UPF1: variants seen among roughly 807,000 people sequenced by gnomAD.
UPF1 encodes the protein UPF1 RNA helicase and ATPase.
Under a neutral mutation model 129.2 loss-of-function variants are expected in UPF1, and 9 were observed. That is an observed-to-expected ratio of 0.07 (90% confidence interval 0.04 to 0.12). The LOEUF (loss-of-function observed/expected upper bound fraction) is 0.12. Ranked by LOEUF, UPF1 falls within the 10% of genes least tolerant of loss-of-function variation. The probability of loss-of-function intolerance (pLI) is 1.00; values close to 1 mark genes in which losing one functional copy is unlikely to be tolerated. For missense variants in UPF1, 788 were observed against 1,525.3 expected, an observed-to-expected ratio of 0.52 and a Z score of 8.05; for synonymous variants, 649 against 644.9, an observed-to-expected ratio of 1.01 and a Z score of -0.10.
At chr19:18,852,563 A>C (rs1032733067) in intron 6 of UPF1, among the ~76,000 whole-genome samples, 1 of 152,142 alleles carries the variant, frequency 6.6e-6, no homozygotes, top group Admixed American at 6.5e-5. Context: ...CACAGTTGCG[A>C]GAGTTAGACT....
rs1345518320 is a variant in UPF1 at position 18,853,145 on chromosome 19, T to A, written c.1057+74T>A. The A allele has an allele frequency of 1.9e-6, 3 of 1,604,562 alleles. No homozygotes were observed. Among genetic ancestry groups the A allele is most frequent in the Non-Finnish European group, 2.6e-6 (3 of 1,172,906 alleles). On this transcript the variant is annotated intron_variant, in intron 7 of 23. Transcript: ENST00000262803. This position sits in a 1 kb window ranked among gnomAD's most constrained non-coding sequence, Gnocchi z 4.4. ...AAAATATTTGTGACCATAAGTAGCATAAATTCCTAGTTCCACCCTTGTAAA... is the reference window on the plus strand; with the variant it reads ...AAAATATTTGTGACCATAAGTAGCAAAAATTCCTAGTTCCACCCTTGTAAA...
In UPF1 at chr19:18,866,126, A is replaced by T; in HGVS notation, c.3320A>T (p.Tyr1107Phe). ...QDSTYQGERA[Y>F]QHGGVTGLSQ... ...TCCACGTACCAGGGAGAGCGGGCTT[A>T]CCAGCATGGCGGGGTGACGGGGCTG... is the stretch of plus-strand genomic sequence containing the variant. Residue 1107 changes from tyrosine to phenylalanine, a missense_variant, in exon 23 of 24, where the codon TAC becomes TTC. Coordinates refer to ENST00000262803, the MANE Select transcript of UPF1 (RefSeq NM_002911.4). The T allele has an allele frequency of 6.2e-7, 1 of 1,612,186 alleles. No individual in the cohort carries two copies. Among genetic ancestry groups the T allele is most frequent in the Non-Finnish European group, 8.5e-7 (1 of 1,179,412 alleles).
Position 18,865,941 on chromosome 19 carries a change from T to G in UPF1, c.3238-103T>G. 1 of 1,592,350 alleles carries G rather than the reference T, an allele frequency of 6.3e-7. No individual in the cohort carries two copies. The highest frequency in any genetic ancestry group is 8.5e-7 in the Non-Finnish European group (1 of 1,173,314). On this transcript the variant is annotated intron_variant, in intron 22 of 23. Transcript: ENST00000262803. The surrounding 1 kb of genome is among the most constrained non-coding windows in gnomAD (Gnocchi z 6.1). Reference sequence around the variant, plus strand: ...CAGAGTGGGTCTCCTGGGTCTTAGTTTGGGGACGGGTTTTCCATTCTTTTC... The same window carrying G: ...CAGAGTGGGTCTCCTGGGTCTTAGTGTGGGGACGGGTTTTCCATTCTTTTC...
Position 18,832,182 on chromosome 19 carries a change from C to T in UPF1, c.-28C>T. 1 of 1,515,036 alleles carries T rather than the reference C, an allele frequency of 6.6e-7. No homozygotes were observed. The highest frequency in any genetic ancestry group is 8.9e-7 in the Non-Finnish European group (1 of 1,128,594). 93.8% of individuals were successfully genotyped at this position (1,515,036 alleles called of 1,614,324 possible). ...GGCGGGCTCGAGTGCAGCGCGGAAC[C>T]GGCCCGAGGGCCCTACCCGGAGGCA... On this transcript the variant is annotated 5_prime_UTR_variant, in exon 1 of 24. Transcript: ENST00000262803. The surrounding 1 kb of genome is among the most constrained non-coding windows in gnomAD (Gnocchi z 5.6).
chr19:18,854,891 A>C lies in UPF1; in HGVS notation c.1278A>C (p.Ala426=), dbSNP rs200925901. ...ACCCTCCTCACAGGATGCAGAGCGC[A>C]TTGAAAACGTTTGCCGTGGATGAGA... ...KSTSFDRMQS[A]LKTFAVDETS... is the part of the protein sequence containing the mutation. The change falls in exon 10 of 24, where the codon GCA becomes GCC. Residue 426 remains alanine (A), a synonymous_variant. Coordinates refer to ENST00000262803, the MANE Select transcript of UPF1 (RefSeq NM_002911.4). 4 of 1,614,198 alleles carry C rather than the reference A, an allele frequency of 2.5e-6. No homozygotes were observed. The highest frequency in any genetic ancestry group is 2.5e-6 in the Non-Finnish European group (3 of 1,180,030).
chr19:18,857,882 C>T (rs533883436), intron 15 of UPF1, among the ~76,000 whole-genome samples: 3 of 152,346 alleles, frequency 2.0e-5, no homozygotes, highest in African/African-American at 7.2e-5. Context: ...AACAGCTGTT[C>T]TCAGGGCCTG....
intron 3 of UPF1, 52 bp downstream of exon 3, chr19:18,847,885 G>A (rs2055617471): frequency 1.3e-6 from 2 of 1,560,296 alleles, no homozygotes; most frequent in East Asian, 4.5e-5. Context: ...GCTCAGATTT[G>A]TGTGTAAATT....
rs940200834 is a variant in UPF1, at chr19:18,867,157, T to A, written c.*640T>A. On this transcript the variant is annotated 3_prime_UTR_variant, in exon 24 of 24. Transcript: ENST00000262803. ...AATCTTAGCGGTGGACCTGGGAGAT[T>A]TGAGAAGCTTCCAGAAACAGTTTAA... is the stretch of plus-strand genomic sequence containing the variant. The A allele has an allele frequency of 6.6e-6, 1 of 152,474 alleles. No homozygotes were observed. The highest frequency in any genetic ancestry group is 2.4e-5 in the African/African-American group (1 of 41,456). 9.4% of individuals were successfully genotyped at this position (152,474 alleles called of 1,614,324 possible). A position where few individuals can be genotyped will look rare whatever the true frequency, so the allele number is the denominator to read the frequency against.
Position 18,832,235 on chromosome 19 carries a change from G to A in UPF1, c.26G>A (p.Ser9Asn). Residue 9 changes from serine to asparagine, a missense_variant, in exon 1 of 24, where the codon AGC becomes AAC. Ser to Asn is a conservative substitution (Grantham distance 46). Coordinates refer to ENST00000262803, the MANE Select transcript of UPF1 (RefSeq NM_002911.4). The surrounding 1 kb of genome is among the most constrained non-coding windows in gnomAD (Gnocchi z 5.6). MSVEAYGP[S>N]SQTLTFLDTE... ...ATGAGCGTGGAGGCGTACGGGCCCA[G>A]CTCGCAGACTCTCACTTTCCTGGAC... 6.5e-7 allele frequency: 1 copy of A among 1,548,386 alleles called. No individual in the cohort carries two copies. Among genetic ancestry groups the A allele is most frequent in the Non-Finnish European group, 8.7e-7 (1 of 1,146,938 alleles).
chr19:18,834,575 G>C (rs1020666262), intron 1 of UPF1, among the ~76,000 whole-genome samples: 3 of 152,172 alleles, frequency 2.0e-5, no homozygotes, highest in Non-Finnish European at 4.4e-5. Flanking sequence ...GGTTTGTCCT[G>C]TGCTACTTGT....
intron 1 of UPF1, among the ~76,000 whole-genome samples, chr19:18,843,518 GTTTT>G (rs35934501): frequency 8.1e-6 from 1 of 124,052 alleles, no homozygotes; most frequent in Non-Finnish European, 1.6e-5. Context: ...GACTTTCTTT[GTTTT>G]TTTTTTTTTT....
At chr19:18,855,462 T>C (rs997234284) in intron 11 of UPF1, 21 of 615,856 alleles carry the variant, frequency 3.4e-5, no homozygotes, top group Non-Finnish European at 5.6e-5. Flanking sequence ...TTTAGAAAAC[T>C]GGGGGCAGGG....
intron 1 of UPF1, among the ~76,000 whole-genome samples, chr19:18,842,842 A>G (rs1699996528): frequency 6.6e-6 from 1 of 152,012 alleles, no homozygotes; most frequent in Non-Finnish European, 1.5e-5. Flanking sequence ...TCTACTAAAA[A>G]TAGGCGTGGT....
At chr19:18,849,848 GT>G in intron 3 of UPF1, 1 of 575,014 alleles carries the variant, frequency 1.7e-6, no homozygotes, top group South Asian at 2.0e-5. Context: ...TGTGAACCGT[GT>G]TAAGGAAGTT....
In UPF1 at chr19:18,852,290, G is replaced by A. The variant is rs1360986145; in HGVS notation, c.966G>A (p.Glu322=). Residue 322 remains glutamate (E), a synonymous_variant, in exon 6 of 24, where the codon GAG becomes GAA. Coordinates refer to ENST00000262803, the MANE Select transcript of UPF1 (RefSeq NM_002911.4). ...CCGACTACGACAAGAAGCTGAAGGA[G>A]TCCCAGGTGATGTGTGCGAGAGGGC... The part of the protein sequence containing the change: ...LEADYDKKLK[E]SQTQDNITVR... The A allele has an allele frequency of 1.2e-6, 2 of 1,613,514 alleles. No homozygotes were observed. The highest frequency in any genetic ancestry group is 1.7e-6 in the Non-Finnish European group (2 of 1,179,686).
Position 18,832,301 on chromosome 19 carries a change from C to CCGAGTT in UPF1, c.100_105dup (p.Glu34_Phe35dup). The CCGAGTT allele has an allele frequency of 2.0e-6, 3 of 1,536,450 alleles. No individual in the cohort carries two copies. Among genetic ancestry groups the CCGAGTT allele is most frequent in the Non-Finnish European group, 2.6e-6 (3 of 1,139,676 alleles). On this transcript the variant is annotated inframe_insertion, in exon 1 of 24. Coordinates refer to ENST00000262803, the MANE Select transcript of UPF1 (RefSeq NM_002911.4). This position sits in a 1 kb window ranked among gnomAD's most constrained non-coding sequence, Gnocchi z 5.6. ...CTGCTTGGCGCCGACACACAGGGCTCCGAGTTCGAGTTCACCGACTTTACT... is the reference window on the plus strand; with the variant it reads ...CTGCTTGGCGCCGACACACAGGGCTCCGAGTTCGAGTTCGAGTTCACCGACTTTACT...
In UPF1 at chr19:18,846,025, G is replaced by A; in HGVS notation, c.277G>A (p.Val93Ile). 2 of 1,614,190 alleles carry A rather than the reference G, an allele frequency of 1.2e-6. No homozygotes were observed. Among genetic ancestry groups the A allele is most frequent in the Non-Finnish European group, 1.7e-6 (2 of 1,180,032 alleles). ...GCAGAACGGGGCTGTGGACGACAGT[G>A]TAGCCAAGACCAGCCAGTTGTTGGC... ...ILQNGAVDDS[V>I]AKTSQLLAEL... Residue 93 changes from valine to isoleucine, a missense_variant, in exon 2 of 24, where the codon GTA becomes ATA. Around this residue, in one of 6 missense-constraint regions of UPF1, gnomAD observed 112 missense variants for 128.2 expected, o/e 0.87. Coordinates refer to ENST00000262803, the MANE Select transcript of UPF1 (RefSeq NM_002911.4).
Position 18,865,668 on chromosome 19 carries a change from G to A in UPF1, c.3127G>A (p.Asp1043Asn). Residue 1043 changes from aspartate (D) to asparagine (N), a missense_variant, in exon 22 of 24, where the codon GAT becomes AAT. By Grantham distance (23) the Asp-to-Asn change is conservative (BLOSUM62 1). Transcript: ENST00000262803. This position sits in a 1 kb window ranked among gnomAD's most constrained non-coding sequence, Gnocchi z 6.1. ...CCTCCCCAACAGCCAAGCCAGCCAG[G>A]ATGTGGCGTCACAGCCCTTCTCTCA... ...TNLPNSQASQDVASQPFSQGA... is the reference protein window; with the variant it reads ...TNLPNSQASQNVASQPFSQGA... 6.2e-7 allele frequency: 1 copy of A among 1,613,950 alleles called. No homozygotes were observed.
intron 20 of UPF1, among the ~76,000 whole-genome samples, chr19:18,864,770 C>T (rs982399459): frequency 8.6e-5 from 11 of 128,066 alleles, no homozygotes; most frequent in African/African-American, 3.4e-4. Context: ...GACCGAGTCT[C>T]GCTCTGTTGC....
Sources: allele counts gnomAD v4.1 joint callset (sites outside exome capture counted in the v4.1 genomes callset), GRCh38; gene constraint gnomAD v4.1.1; regional missense constraint gnomAD v4.1.1; non-coding constraint Gnocchi (gnomAD v3.1); transcripts MANE v1.5; gene names NCBI Gene and HGNC (gene_info 2026-07-23, HGNC 2026-07-21).